The following PCLO variants were observed in gnomAD, a reference collection of about 807,000 sequenced individuals.
The protein encoded by PCLO is protein piccolo.
In PCLO, 82 loss-of-function variants were observed where a neutral mutation model predicts 427.5. The observed-to-expected ratio is 0.19, with a 90% CI of 0.16 to 0.23. The LOEUF is 0.23. PCLO is among the 10% of genes least tolerant of loss of function. The pLI, the probability that PCLO is intolerant of heterozygous loss-of-function variation, is 1.00. For missense variants in PCLO, 6,239 were observed against 6,115.9 expected (o/e 1.02, Z -0.67); for synonymous variants, 2,357 against 2,155.4 (o/e 1.09, Z -2.59).
chr7:83,120,347 G>A (rs1791243045), intron 3 of PCLO, among the ~76,000 whole-genome samples: 1 of 141,328 alleles, frequency 7.1e-6, no homozygotes, highest in African/African-American at 2.7e-5. Context: ...GGTTGAGGGA[G>A]CCAAGATCAT....
At chr7:82,981,743 A>G (rs1796151421) in intron 3 of PCLO, among the ~76,000 whole-genome samples, 1 of 152,142 alleles carries the variant, frequency 6.6e-6, no homozygotes, top group Non-Finnish European at 1.5e-5. Flanking sequence ...ACATTGCTTC[A>G]TCTTTACGTA....
At chr7:82,980,313 A>T (rs1483639077) in intron 3 of PCLO, among the ~76,000 whole-genome samples, 3 of 152,152 alleles carry the variant, frequency 2.0e-5, no homozygotes, top group African/African-American at 7.2e-5. Flanking sequence ...TGCTGTCAGC[A>T]CCATTGCAGG....
At chr7:82,864,100 A>G (rs530431266) in intron 10 of PCLO, among the ~76,000 whole-genome samples, 323 of 152,228 alleles carry the variant, frequency 2.1e-3, no homozygotes, top group African/African-American at 7.5e-3. Context: ...GGTATTATAA[A>G]GGTTTTTTTA....
intron 3 of PCLO, among the ~76,000 whole-genome samples, chr7:83,068,516 G>A (rs1287232762): frequency 6.6e-6 from 1 of 152,034 alleles, no homozygotes; most frequent in African/African-American, 2.4e-5. Context: ...ATGACCAACA[G>A]GTATGTGAAA....
intron 3 of PCLO, among the ~76,000 whole-genome samples, chr7:83,072,770 C>T (rs17239691): frequency 0.12 from 18,142 of 152,020 alleles, 1,193 homozygotes; most frequent in Admixed American, 0.16. Context: ...TTTCCACTTG[C>T]TGATGCCTCA....
rs1279648094 is a variant in PCLO at position 83,155,093 on chromosome 7, T to C, written c.1548A>G (p.Pro516=). Residue 516 remains proline, a synonymous_variant, in exon 2 of 25, where the codon CCA becomes CCG. Transcript: ENST00000333891. The part of the protein sequence containing the change: ...STKPPPQQPG[P]AKPSPQQPGS... ...CAGGCTGTTGAGGTGAGGGCTTTGC[T>C]GGGCCAGGCTGTTGAGGTGGGGGTT... 1.3e-6 allele frequency: 2 copies of C among 1,589,810 alleles called. No individual in the cohort carries two copies. The highest frequency in any genetic ancestry group is 1.1e-5 in the South Asian group (1 of 88,092).
chr7:82,969,709 G>T (rs1451864215), intron 3 of PCLO, among the ~76,000 whole-genome samples: 2 of 151,886 alleles, frequency 1.3e-5, no homozygotes, highest in Admixed American at 1.3e-4. Flanking sequence ...TCTATTGGTT[G>T]GAAAGTGCAT....
rs916725324 is a variant in PCLO at position 82,952,607 on chromosome 7, T to C, written c.8346A>G (p.Ser2782=). The C allele has an allele frequency of 1.2e-6, 2 of 1,613,834 alleles. No individual in the cohort carries two copies. The highest frequency in any genetic ancestry group is 1.3e-5 in the African/African-American group (1 of 74,930). ...CCAGAGATACAGGAGTCACTATTGA[T>C]GATGTCACACTAAGATTTATAATAG... ...QPSIINLSVT[S]SIVTPVSLAT... The change falls in exon 5 of 25, where the codon TCA becomes TCG. Residue 2782 remains serine (S), a synonymous_variant. Coordinates refer to ENST00000333891, the MANE Select transcript of PCLO (RefSeq NM_033026.6).
Position 82,851,438 on chromosome 7 carries a change from AAC to A in PCLO, c.13655-4193_13655-4192del, listed in dbSNP as rs1204063560. On this transcript the variant is annotated intron_variant, in intron 10 of 24. Coordinates refer to ENST00000333891, the MANE Select transcript of PCLO (RefSeq NM_033026.6). The stretch of plus-strand genomic sequence containing the variant: ...CAATGTTATTTATGTTGATTTAAAT[AAC>A]ACGCGCACAAAATAAATCATTACAT... Among the ~76,000 whole-genome samples, 9 of 152,196 alleles carry A rather than the reference AAC, an allele frequency of 5.9e-5. No individual in the cohort carries two copies. In the East Asian group the frequency reaches 1.4e-3, roughly 23 times the overall value.
At position 83,134,242 on chromosome 7, in the gene PCLO, T is replaced by TATATATATATATATATAATAA; in HGVS notation, c.3300+7_3300+8insTTATTATATATATATATATAT. The TATATATATATATATATAATAA allele has an allele frequency of 9.4e-7, 1 of 1,065,442 alleles. No homozygotes were observed. The highest frequency in any genetic ancestry group is 1.3e-6 in the Non-Finnish European group (1 of 759,048). 66.0% of individuals were successfully genotyped at this position (1,065,442 alleles called of 1,614,324 possible). A position where few individuals can be genotyped will look rare whatever the true frequency, so the allele number is the denominator to read the frequency against. On this transcript the variant is annotated splice_region_variant and intron_variant, in intron 3 of 24. Coordinates refer to ENST00000333891, the MANE Select transcript of PCLO (RefSeq NM_033026.6). ...TAATATATATATATATATATATATA[T>TATATATATATATATATAATAA]AACTTACCTCAGTCAAATGTGGTGT...
At chr7:83,103,840 C>A (rs1341708366) in intron 3 of PCLO, among the ~76,000 whole-genome samples, 2 of 151,950 alleles carry the variant, frequency 1.3e-5, no homozygotes, top group Non-Finnish European at 2.9e-5. Flanking sequence ...ACTAAGCTGT[C>A]TCATGGGTTT....
intron 3 of PCLO, among the ~76,000 whole-genome samples, chr7:83,004,640 AC>A (rs61518994): frequency 0.62 from 93,119 of 151,390 alleles, 29,886 homozygotes; most frequent in East Asian, 0.86. Flanking sequence ...ACACTAAAAA[AC>A]ATAACACTAA....
chr7:82,940,821 G>A (rs1225037753), intron 6 of PCLO, among the ~76,000 whole-genome samples: 2 of 143,800 alleles, frequency 1.4e-5, no homozygotes, highest in Non-Finnish European at 3.0e-5. Context: ...GGAGTGCAGT[G>A]GTGAGATCTC....
chr7:82,991,887 GTACTT>G (rs1158119205), intron 3 of PCLO, among the ~76,000 whole-genome samples: 1 of 151,920 alleles, frequency 6.6e-6, no homozygotes, highest in Non-Finnish European at 1.5e-5. Flanking sequence ...ATTCCTATAG[GTACTT>G]TAAACTATTT....
intron 14 of PCLO, among the ~76,000 whole-genome samples, chr7:82,840,883 T>C (rs1792349357): frequency 6.6e-6 from 1 of 151,874 alleles, no homozygotes. Flanking sequence ...TTATTTTTAC[T>C]ATGACCCACA....
In PCLO at chr7:82,809,933, C is replaced by G. The variant is rs1791534162; in HGVS notation, c.14792-4104G>C. On this transcript the variant is annotated intron_variant, in intron 20 of 24. Coordinates refer to ENST00000333891, the MANE Select transcript of PCLO (RefSeq NM_033026.6). ...GAAATATTTAATGAGAATACACTAACCATCAGAGATTATAAGCTTATGAAT... is the reference window on the plus strand; with the variant it reads ...GAAATATTTAATGAGAATACACTAAGCATCAGAGATTATAAGCTTATGAAT... Among the ~76,000 whole-genome samples the G allele has an allele frequency of 2.0e-5, 3 of 151,674 alleles. No homozygotes were observed. In the South Asian group the frequency reaches 6.2e-4, roughly 31 times the overall value.
chr7:82,761,643 T>G (rs1790435021), intron 22 of PCLO, 150 bp from the exon 23 acceptor site: 1 of 577,044 alleles, frequency 1.7e-6, no homozygotes, highest in African/African-American at 1.9e-5. Flanking sequence ...GACTGTATTT[T>G]ATTCATCTGT....
chr7:82,830,488 G>A (rs762089449), intron 16 of PCLO, among the ~76,000 whole-genome samples: 12 of 151,798 alleles, frequency 7.9e-5, no homozygotes. Context: ...AATTAGTGAC[G>A]ACTTTTAAGT....
chr7:83,020,401 AG>A (rs34849145), intron 3 of PCLO, among the ~76,000 whole-genome samples: 1 of 151,708 alleles, frequency 6.6e-6, no homozygotes, highest in Non-Finnish European at 1.5e-5. Context: ...TAGTAGTAAG[AG>A]GGGGGGCCTT....
Sources: allele counts gnomAD v4.1 joint callset (sites outside exome capture counted in the v4.1 genomes callset), GRCh38; gene constraint gnomAD v4.1.1; transcripts MANE v1.5; gene names NCBI Gene and HGNC (gene_info 2026-07-23, HGNC 2026-07-21).